The following ZBTB20 variants were observed in gnomAD, a reference collection of about 807,000 sequenced individuals.
ZBTB20 encodes the protein zinc finger and BTB domain-containing protein 20.
In ZBTB20, 9 loss-of-function variants were observed where a neutral mutation model predicts 56.9. That is an observed-to-expected ratio of 0.16 (90% CI 0.10 to 0.28). The LOEUF (loss-of-function observed/expected upper bound fraction) is 0.28. Among genes scored for constraint, ZBTB20 ranks in the 10% least tolerant of loss-of-function variants. The pLI, the probability that ZBTB20 is intolerant of heterozygous loss-of-function variation, is 1.00. For missense variants in ZBTB20, 655 were observed against 1,003.0 expected (o/e 0.65, Z 4.69); for synonymous variants, 417 against 420.7 (o/e 0.99, Z 0.11).
At chr3:114,920,032 G>A (rs1184973014) in intron 3 of ZBTB20, among the ~76,000 whole-genome samples, 2 of 151,820 alleles carry the variant, frequency 1.3e-5, no homozygotes, top group African/African-American at 4.8e-5. Flanking sequence ...ACACAAAGAA[G>A]GTCATTAAAT....
chr3:114,408,063 G>C (rs561766759), intron 7 of ZBTB20, among the ~76,000 whole-genome samples: 1 of 152,204 alleles, frequency 6.6e-6, no homozygotes, highest in South Asian at 2.1e-4. Flanking sequence ...CCATGATCAC[G>C]TTTTCAGCTC....
chr3:114,701,609 GCTGTTAGCT>G (rs1341924967), intron 5 of ZBTB20, among the ~76,000 whole-genome samples: 1 of 152,152 alleles, frequency 6.6e-6, no homozygotes, highest in East Asian at 1.9e-4. Context: ...TAGTTAAAGA[GCTGTTAGCT>G]AACCTGCGTA....
intron 5 of ZBTB20, among the ~76,000 whole-genome samples, chr3:114,767,228 G>A (rs1164585270): frequency 2.0e-5 from 3 of 152,118 alleles, no homozygotes; most frequent in South Asian, 4.2e-4. Context: ...TGTTAAAAAC[G>A]AAGATAAGGA....
At chr3:115,046,089 A>G (rs2081323262) in intron 2 of ZBTB20, among the ~76,000 whole-genome samples, 1 of 152,190 alleles carries the variant, frequency 6.6e-6, no homozygotes. Flanking sequence ...TGACATACTT[A>G]GAGGTCACTG....
chr3:114,913,684 GT>G (rs111279915), intron 3 of ZBTB20, among the ~76,000 whole-genome samples: 3,534 of 145,538 alleles, frequency 0.024, 139 homozygotes, highest in African/African-American at 0.084. Context: ...TTTCCTCAGT[GT>G]TTTTTTTTTC....
intron 4 of ZBTB20, among the ~76,000 whole-genome samples, chr3:114,839,057 C>T (rs954841025): frequency 6.6e-6 from 1 of 152,048 alleles, no homozygotes; most frequent in Non-Finnish European, 1.5e-5. Context: ...CAGCATGAAC[C>T]AGCCATTTTC....
chr3:114,790,772 T>C (rs1295128655), intron 5 of ZBTB20, among the ~76,000 whole-genome samples: 1 of 151,474 alleles, frequency 6.6e-6, no homozygotes, highest in African/African-American at 2.4e-5. Flanking sequence ...GACATAACAG[T>C]AAGTTTTTTT....
At chr3:114,448,161 T>A (rs532859565) in intron 7 of ZBTB20, among the ~76,000 whole-genome samples, 1 of 152,174 alleles carries the variant, frequency 6.6e-6, no homozygotes, top group South Asian at 2.1e-4. Flanking sequence ...CAGGATCAGC[T>A]CTTCTGGCCT....
intron 7 of ZBTB20, among the ~76,000 whole-genome samples, chr3:114,404,189 A>T (rs1011238408): frequency 6.6e-6 from 1 of 152,136 alleles, no homozygotes; most frequent in Non-Finnish European, 1.5e-5. Flanking sequence ...CTTTCTTTGT[A>T]TATCAGTGTC....
At chr3:114,830,281 A>G (rs1257969928) in intron 4 of ZBTB20, among the ~76,000 whole-genome samples, 1 of 151,968 alleles carries the variant, frequency 6.6e-6, no homozygotes, top group African/African-American at 2.4e-5. Context: ...ACATTTTAAA[A>G]GGATTCACCA....
rs2078967232 is a variant in ZBTB20 at position 114,323,541 on chromosome 3, C to G, written c.*15464G>C. 1 of 152,246 alleles carries G rather than the reference C, an allele frequency of 6.6e-6. No individual in the cohort carries two copies. Among genetic ancestry groups the G allele is most frequent in the African/African-American group, 2.4e-5 (1 of 41,446 alleles). The allele number at this position is 152,246 out of a possible 1,614,324, so 9.4% of individuals were successfully genotyped here. On this transcript the variant is annotated 3_prime_UTR_variant, in exon 12 of 12. Transcript: ENST00000675478. ...TGAAAGGAGCACATCCTACTGCCCTCTGCCACACTAAAATGTGCACAAGCA... is the reference window on the plus strand; with the variant it reads ...TGAAAGGAGCACATCCTACTGCCCTGTGCCACACTAAAATGTGCACAAGCA...
intron 4 of ZBTB20, among the ~76,000 whole-genome samples, chr3:114,828,958 T>C (rs2073698002): frequency 6.6e-6 from 1 of 151,860 alleles, no homozygotes; most frequent in Non-Finnish European, 1.5e-5. Context: ...AAATGCCTAT[T>C]TGATAAAAAG....
At chr3:114,861,085 T>A (rs770144674) in intron 4 of ZBTB20, among the ~76,000 whole-genome samples, 2 of 152,224 alleles carry the variant, frequency 1.3e-5, no homozygotes, top group Non-Finnish European at 2.9e-5. Flanking sequence ...AGACCTTTTG[T>A]TACCCATGAC....
Position 114,328,952 on chromosome 3 carries a change from G to A in ZBTB20, c.*10053C>T, listed in dbSNP as rs956246567. On this transcript the variant is annotated 3_prime_UTR_variant, in exon 12 of 12. Coordinates refer to ENST00000675478, the MANE Select transcript of ZBTB20 (RefSeq NM_001348800.3). ...TGGATATTATGTGATCATTAGAGAA[G>A]AAACAGCCTCACTAACAGTCAATTC... is the stretch of plus-strand genomic sequence containing the variant. 12 of 152,190 alleles carry A rather than the reference G, an allele frequency of 7.9e-5. No individual in the cohort carries two copies. Among genetic ancestry groups the A allele is most frequent in the African/African-American group, 2.9e-4 (12 of 41,442 alleles). The allele number at this position is 152,190 out of a possible 1,614,324, so 9.4% of individuals were successfully genotyped here. A position where few individuals can be genotyped will look rare whatever the true frequency, so the allele number is the denominator to read the frequency against.
chr3:114,876,570 A>G (rs2076207517), intron 4 of ZBTB20: 1 of 152,170 alleles, frequency 6.6e-6, no homozygotes, highest in Non-Finnish European at 1.5e-5. Flanking sequence ...TAAAATTTTG[A>G]CTTGGAGTTA....
At chr3:114,519,438 T>C (rs561153732) in intron 6 of ZBTB20, among the ~76,000 whole-genome samples, 14 of 152,242 alleles carry the variant, frequency 9.2e-5, no homozygotes, top group African/African-American at 3.4e-4. Context: ...ACTTCAAGAA[T>C]TCCATCAAAC....
chr3:114,874,242 TA>T lies in ZBTB20; in HGVS notation c.-417+26061del, dbSNP rs921385763. 18 of 152,168 alleles carry T rather than the reference TA, an allele frequency of 1.2e-4. 1 individual carries two copies. The highest frequency in any genetic ancestry group is 4.3e-4 in the African/African-American group (18 of 41,448). 9.4% of individuals were successfully genotyped at this position (152,168 alleles called of 1,614,324 possible). On this transcript the variant is annotated intron_variant, in intron 4 of 11. Coordinates refer to ENST00000675478, the MANE Select transcript of ZBTB20 (RefSeq NM_001348800.3). ...AATCTCATGGACTGAAAACATTTTT[TA>T]AAAAAATGAATATTCACTAAACAAT...
chr3:115,138,595 G>C (rs979913885), intron 1 of ZBTB20, among the ~76,000 whole-genome samples: 3 of 152,056 alleles, frequency 2.0e-5, no homozygotes, highest in Non-Finnish European at 2.9e-5. Context: ...CTGTACTTGA[G>C]TTTAATTTCC....
chr3:114,547,823 A>G (rs2050074915), intron 6 of ZBTB20, among the ~76,000 whole-genome samples: 1 of 152,248 alleles, frequency 6.6e-6, no homozygotes, highest in Non-Finnish European at 1.5e-5. Flanking sequence ...TCTATTACTG[A>G]ACAGAAACTA....
Sources: gnomAD v4.1 joint callset for allele counts (sites outside exome capture counted in the v4.1 genomes callset) on GRCh38, gnomAD v4.1.1 for gene constraint, MANE v1.5 for transcripts, NCBI Gene and HGNC (gene_info 2026-07-23, HGNC 2026-07-21) for gene names.